STK39: variants seen among roughly 807,000 people sequenced by gnomAD.
The protein encoded by STK39 is STE20/SPS1-related proline-alanine-rich protein kinase.
STK39 carries 20 observed loss-of-function variants against 77.8 expected under a neutral mutation model. That is an observed-to-expected ratio of 0.26 (90% confidence interval 0.18 to 0.37). The LOEUF (loss-of-function observed/expected upper bound fraction) is 0.37, where lower values mean the gene tolerates loss of function less well. STK39 is among the 10% of genes least tolerant of loss of function. The pLI, the probability that STK39 is intolerant of heterozygous loss-of-function variation, is 1.00. For missense variants in STK39, 479 were observed against 656.5 expected (o/e 0.73, Z 2.95); for synonymous variants, 246 against 234.1 (o/e 1.05, Z -0.47).
At chr2:168,226,312 G>C (rs950324114) in intron 1 of STK39, among the ~76,000 whole-genome samples, 3 of 151,268 alleles carry the variant, frequency 2.0e-5, no homozygotes, top group African/African-American at 7.3e-5. Context: ...TTTCCAGGAT[G>C]CTAGAAAACC....
chr2:168,140,627 G>C, intron 6 of STK39, 22 bp downstream of exon 6: 1 of 1,566,118 alleles, frequency 6.4e-7, no homozygotes, highest in South Asian at 1.2e-5. Flanking sequence ...CCATCAAAAA[G>C]TCACTTTTTT....
At chr2:168,062,306 G>A (rs1685685198) in intron 14 of STK39, among the ~76,000 whole-genome samples, 1 of 152,104 alleles carries the variant, frequency 6.6e-6, no homozygotes, top group African/African-American at 2.4e-5. Flanking sequence ...AACTGAACAA[G>A]TAAAATATAA....
At chr2:168,144,166 T>C (rs1021254869) in intron 5 of STK39, among the ~76,000 whole-genome samples, 2 of 152,152 alleles carry the variant, frequency 1.3e-5, no homozygotes, top group African/African-American at 4.8e-5. Context: ...CTAGGAAACA[T>C]TACAGGACTA....
chr2:168,121,051 G>A (rs1309154040), intron 10 of STK39, among the ~76,000 whole-genome samples: 1 of 152,190 alleles, frequency 6.6e-6, no homozygotes, highest in Non-Finnish European at 1.5e-5. Flanking sequence ...CTCTGAGAAT[G>A]ACAAATACGC....
intron 14 of STK39, among the ~76,000 whole-genome samples, chr2:168,057,901 G>A (rs952106900): frequency 6.6e-6 from 1 of 152,134 alleles, no homozygotes; most frequent in Admixed American, 6.5e-5. Flanking sequence ...TCTAACAGAT[G>A]TCTGGGGATC....
At chr2:168,147,030 C>G (rs571628885) in intron 5 of STK39, among the ~76,000 whole-genome samples, 2 of 152,098 alleles carry the variant, frequency 1.3e-5, no homozygotes, top group Non-Finnish European at 2.9e-5. Context: ...TCTCCTCTTC[C>G]GGAAAGTTCA....
intron 10 of STK39, among the ~76,000 whole-genome samples, chr2:168,090,549 A>G (rs1340317838): frequency 6.6e-6 from 1 of 152,252 alleles, no homozygotes; most frequent in East Asian, 1.9e-4. Context: ...CGAGCAGTCA[A>G]CAGAAAACCT....
chr2:168,008,972 C>A (rs1415276207), intron 16 of STK39, among the ~76,000 whole-genome samples: 1 of 152,184 alleles, frequency 6.6e-6, no homozygotes, highest in Non-Finnish European at 1.5e-5. Context: ...CTCACTCCAG[C>A]CACGCCTACC....
At chr2:168,012,767 T>A in intron 15 of STK39, 65 bp from the exon 16 acceptor site, 1 of 1,348,394 alleles carries the variant, frequency 7.4e-7, no homozygotes, top group African/African-American at 1.5e-5. Flanking sequence ...CCCAGTACAA[T>A]GTAAAATATA....
Position 168,171,844 on chromosome 2 carries a change from G to GC in STK39, c.322-4438dup, listed in dbSNP as rs374055488. Among the ~76,000 whole-genome samples, 437 of 108,590 alleles carry GC rather than the reference G, an allele frequency of 4.0e-3. 11 individuals carry two copies. In the East Asian group the frequency reaches 0.092, roughly 23 times the overall value. 71.2% of individuals were successfully genotyped at this position (108,590 alleles called of 152,430 possible). A position where few individuals can be genotyped will look rare whatever the true frequency, so the allele number is the denominator to read the frequency against. ...TTGCTATATGGCCTTTCATTTCCACGCCCCCCCCACTCCCCCCTCCCCCCC... is the reference window on the plus strand; with the variant it reads ...TTGCTATATGGCCTTTCATTTCCACGCCCCCCCCCACTCCCCCCTCCCCCCC... On this transcript the variant is annotated intron_variant, in intron 2 of 17. Transcript: ENST00000355999.
At chr2:168,143,258 A>C (rs1688041987) in intron 5 of STK39, among the ~76,000 whole-genome samples, 1 of 152,194 alleles carries the variant, frequency 6.6e-6, no homozygotes, top group Non-Finnish European at 1.5e-5. Flanking sequence ...TTCTGAATCC[A>C]TCCACTTCTT....
At chr2:168,025,713 TA>T (rs1237554265) in intron 14 of STK39, among the ~76,000 whole-genome samples, 2 of 152,144 alleles carry the variant, frequency 1.3e-5, no homozygotes, top group Non-Finnish European at 2.9e-5. Flanking sequence ...ATGAAAAGAT[TA>T]GGCAATATGA....
intron 10 of STK39, among the ~76,000 whole-genome samples, chr2:168,089,832 C>G (rs749335697): frequency 4.6e-5 from 7 of 152,134 alleles, no homozygotes; most frequent in South Asian, 4.1e-4. Flanking sequence ...AGGCTGGTCT[C>G]GAACTCCTGA....
chr2:168,209,658 G>A (rs989427130), intron 1 of STK39, among the ~76,000 whole-genome samples: 3 of 151,626 alleles, frequency 2.0e-5, no homozygotes, highest in African/African-American at 7.3e-5. Flanking sequence ...CCAGCCTGGG[G>A]CGACAAGAGC....
intron 1 of STK39, among the ~76,000 whole-genome samples, chr2:168,199,664 G>A (rs4668045): frequency 0.16 from 24,128 of 151,816 alleles, 2,000 homozygotes; most frequent in East Asian, 0.25. Flanking sequence ...ACAGGTACAC[G>A]CCACCATGCC....
At chr2:168,138,002 T>C in intron 8 of STK39, 86 bp downstream of exon 8, 1 of 1,492,056 alleles carries the variant, frequency 6.7e-7, no homozygotes, top group Admixed American at 2.1e-5. Context: ...CTTTCCAGTG[T>C]CCTCACAAAG....
chr2:168,161,700 A>T, intron 5 of STK39, 87 bp downstream of exon 5: 1 of 918,348 alleles, frequency 1.1e-6, no homozygotes, highest in Non-Finnish European at 1.7e-6. Flanking sequence ...ACATGCATTT[A>T]TTCATTTCTC....
rs78776544 is a variant in STK39, at chr2:168,167,664, G to A, written c.322-257C>T. On this transcript the variant is annotated intron_variant, in intron 2 of 17. Coordinates refer to ENST00000355999, the MANE Select transcript of STK39 (RefSeq NM_013233.3). ...CCAGACACAGGAACTTCAGATCACTGTTATCACCCAGATGACCCCCCAACT... is the reference window on the plus strand; with the variant it reads ...CCAGACACAGGAACTTCAGATCACTATTATCACCCAGATGACCCCCCAACT... 5.2e-4 allele frequency among the ~76,000 whole-genome samples: 79 copies of A among 152,296 alleles called. No individual in the cohort carries two copies. In the East Asian group the frequency reaches 0.014, roughly 27 times the overall value.
chr2:168,077,458 A>AT (rs1398621470), intron 10 of STK39, among the ~76,000 whole-genome samples: 1 of 152,190 alleles, frequency 6.6e-6, no homozygotes, highest in Non-Finnish European at 1.5e-5. Flanking sequence ...AGAGAGAAAG[A>AT]TAAAACAAAA....
Sources: allele counts gnomAD v4.1 joint callset (sites outside exome capture counted in the v4.1 genomes callset), GRCh38; gene constraint gnomAD v4.1.1; transcripts MANE v1.5; gene names NCBI Gene and HGNC (gene_info 2026-07-23, HGNC 2026-07-21).